The following WDR64 variants were observed in gnomAD, a reference collection of about 807,000 sequenced individuals.
WDR64 encodes the protein WD repeat-containing protein 64.
In WDR64, 112 loss-of-function variants were observed where a neutral mutation model predicts 139.3. The observed-to-expected ratio is 0.80, with a 90% confidence interval of 0.69 to 0.94. WDR64 has a LOEUF of 0.94. WDR64 is among the 40% of genes least tolerant of loss of function. WDR64 has a pLI of 0.00. For missense variants in WDR64, 1,206 were observed against 1,293.1 expected, an observed-to-expected ratio of 0.93 and a Z score of 1.03; for synonymous variants, 444 against 437.7, an observed-to-expected ratio of 1.01 and a Z score of -0.18.
rs1299173761 is a variant in WDR64 at position 241,673,254 on chromosome 1, A to G, written c.380-1390A>G. ...TAAATGACGAGTTAATGGGTGCAGC[A>G]CACCAACATGGCACATGTATACATA... On this transcript the variant is annotated intron_variant, in intron 3 of 27. Transcript: ENST00000437684. 3.9e-5 allele frequency among the ~76,000 whole-genome samples: 6 copies of G among 152,216 alleles called. No individual in the cohort carries two copies. The South Asian group carries it at 6.2e-4, about 16-fold the overall frequency.
At chr1:241,749,466 C>A (rs1334630778) in intron 13 of WDR64, 81 bp from the exon 14 acceptor site, 22 of 1,477,316 alleles carry the variant, frequency 1.5e-5, no homozygotes, top group Admixed American at 1.0e-4. Context: ...AGCTTTCGAT[C>A]GGATGAATTT....
At chr1:241,670,940 C>A (rs536830906) in intron 2 of WDR64, 134 bp from the exon 3 acceptor site, 2 of 593,174 alleles carry the variant, frequency 3.4e-6, no homozygotes, top group Non-Finnish European at 5.7e-6. Flanking sequence ...GTATAGGGAA[C>A]CCCCTGACAT....
At chr1:241,759,328 CAGTTA>C (rs1345666222) in intron 15 of WDR64, among the ~76,000 whole-genome samples, 2 of 152,128 alleles carry the variant, frequency 1.3e-5, no homozygotes, top group Non-Finnish European at 2.9e-5. Flanking sequence ...ACTCTATATA[CAGTTA>C]AGTTTGCTTC....
chr1:241,672,655 C>T (rs1666279103), intron 3 of WDR64, among the ~76,000 whole-genome samples: 1 of 152,088 alleles, frequency 6.6e-6, no homozygotes, highest in Admixed American at 6.6e-5. Context: ...GATGGTAATA[C>T]ACACTATAGG....
At chr1:241,777,841 A>G (rs1658715732) in intron 21 of WDR64, among the ~76,000 whole-genome samples, 2 of 152,182 alleles carry the variant, frequency 1.3e-5, no homozygotes, top group Non-Finnish European at 2.9e-5. Context: ...TCTTTCTGTT[A>G]CTGGTTTCTA....
chr1:241,754,791 A>G (rs1009132171), intron 14 of WDR64, among the ~76,000 whole-genome samples: 4 of 150,676 alleles, frequency 2.7e-5, no homozygotes, highest in Admixed American at 6.6e-5. Context: ...TCATTGTTCA[A>G]CTCCCACTTA....
Position 241,744,429 on chromosome 1 carries a change from A to G in WDR64, c.1507A>G (p.Ile503Val), listed in dbSNP as rs1177475559. The change falls in exon 13 of 28, where the codon ATT (isoleucine) becomes GTT (valine). Residue 503 changes from isoleucine (I) to valine (V), a missense_variant. Coordinates refer to ENST00000437684, the MANE Select transcript of WDR64 (RefSeq NM_001367482.1). ...CGAGACTGGGCTCCAAGTATACCAGATTTTAGAACCTCATGGTTTCAATAC... is the reference window on the plus strand; with the variant it reads ...CGAGACTGGGCTCCAAGTATACCAGGTTTTAGAACCTCATGGTTTCAATAC... ...ELETGLQVYQ[I>V]LEPHGFNTEV... The G allele has an allele frequency of 1.2e-6, 2 of 1,614,084 alleles. No individual in the cohort carries two copies. The highest frequency in any genetic ancestry group is 1.1e-5 in the South Asian group (1 of 91,074).
chr1:241,723,496 G>A, intron 10 of WDR64, 60 bp downstream of exon 10: 1 of 1,543,022 alleles, frequency 6.5e-7, no homozygotes, highest in Non-Finnish European at 8.8e-7. Flanking sequence ...TCTGTTGGAA[G>A]GCATAGGGAT....
chr1:241,709,819 A>G (rs942179576), intron 8 of WDR64, among the ~76,000 whole-genome samples: 1 of 152,204 alleles, frequency 6.6e-6, no homozygotes, highest in Non-Finnish European at 1.5e-5. Context: ...TATATACAAA[A>G]ATAGCCCTTT....
intron 3 of WDR64, among the ~76,000 whole-genome samples, chr1:241,672,879 A>G (rs1666287779): frequency 6.6e-6 from 1 of 152,192 alleles, no homozygotes; most frequent in South Asian, 2.1e-4. Context: ...GAGTGGGGAC[A>G]GGTGTACTGG....
At chr1:241,779,088 G>C (rs1658759258) in intron 21 of WDR64, among the ~76,000 whole-genome samples, 1 of 151,928 alleles carries the variant, frequency 6.6e-6, no homozygotes, top group Non-Finnish European at 1.5e-5. Flanking sequence ...TTGTTTGTCT[G>C]AGAAAGTCTT....
intron 3 of WDR64, among the ~76,000 whole-genome samples, chr1:241,671,868 T>G (rs914208273): frequency 6.6e-6 from 1 of 152,160 alleles, no homozygotes; most frequent in Non-Finnish European, 1.5e-5. Context: ...TCAAATGTGA[T>G]GTCTCTTAAA....
At chr1:241,770,751 T>G in intron 18 of WDR64, 61 bp downstream of exon 18, 3 of 1,479,520 alleles carry the variant, frequency 2.0e-6, no homozygotes. Flanking sequence ...TCAAAAATAG[T>G]GCTATTGAGC....
intron 8 of WDR64, among the ~76,000 whole-genome samples, chr1:241,701,103 G>A (rs1422172718): frequency 1.3e-5 from 2 of 152,160 alleles, no homozygotes; most frequent in South Asian, 2.1e-4. Context: ...ACTGGACATC[G>A]TCTTCTTTTT....
chr1:241,714,035 A>G (rs1263623310), intron 9 of WDR64, among the ~76,000 whole-genome samples: 1 of 152,212 alleles, frequency 6.6e-6, no homozygotes, highest in Non-Finnish European at 1.5e-5. Context: ...TTGATTGGAC[A>G]TTCAAGAGAA....
Position 241,802,230 on chromosome 1 carries a change from C to T in WDR64, c.*1015C>T, listed in dbSNP as rs59836392. ...CTCAGCAATTAAAGGGAATAAAATG[C>T]TAATGCATGCATTAACATAGACCAA... On this transcript the variant is annotated 3_prime_UTR_variant, in exon 28 of 28. Transcript: ENST00000437684. 0.23 allele frequency: 90,542 copies of T among 397,758 alleles called. 11,575 individuals are homozygous for T. Among genetic ancestry groups the T allele is most frequent in the East Asian group, 0.46 (12,736 of 27,928 alleles). 24.6% of individuals were successfully genotyped at this position (397,758 alleles called of 1,614,324 possible).
At chr1:241,712,387 T>G (rs1275883449) in intron 9 of WDR64, among the ~76,000 whole-genome samples, 1 of 152,084 alleles carries the variant, frequency 6.6e-6, no homozygotes, top group African/African-American at 2.4e-5. Context: ...ATAGGTTAGG[T>G]AGAAAATAAC....
chr1:241,654,029 A>G lies in WDR64; in HGVS notation c.145+1400A>G, dbSNP rs117801880. On this transcript the variant is annotated intron_variant, in intron 1 of 27. Coordinates refer to ENST00000437684, the MANE Select transcript of WDR64 (RefSeq NM_001367482.1). Reference sequence around the variant, plus strand: ...CCTTGACACTTTTTCTGAATTCTCTATGGGATGTCTGCTTCTCTCAGCCAA... The same window carrying G: ...CCTTGACACTTTTTCTGAATTCTCTGTGGGATGTCTGCTTCTCTCAGCCAA... Among the ~76,000 whole-genome samples, 201 of 152,178 alleles carry G rather than the reference A, an allele frequency of 1.3e-3. 3 individuals are homozygous for G. In the East Asian group the frequency reaches 0.024, roughly 18 times the overall value.
chr1:241,697,822 A>G (rs945655717), intron 8 of WDR64, among the ~76,000 whole-genome samples: 3 of 152,186 alleles, frequency 2.0e-5, no homozygotes, highest in Non-Finnish European at 4.4e-5. Context: ...AGAAAGCCTC[A>G]GGACATTCAG....
Sources: gnomAD v4.1 joint callset for allele counts (sites outside exome capture counted in the v4.1 genomes callset) on GRCh38, gnomAD v4.1.1 for gene constraint, MANE v1.5 for transcripts, NCBI Gene and HGNC (gene_info 2026-07-23, HGNC 2026-07-21) for gene names.